NEK7: variants seen among roughly 807,000 people sequenced by gnomAD.
NEK7 encodes NIMA related kinase 7, also known as serine/threonine-protein kinase Nek7.
NEK7 carries 18 observed loss-of-function variants against 44.6 expected under a neutral mutation model. The ratio of observed to expected loss-of-function variants is 0.40; its 90% CI spans 0.28 to 0.60. The LOEUF (loss-of-function observed/expected upper bound fraction) is 0.60, where lower values mean the gene tolerates loss of function less well. Among genes scored for constraint, NEK7 ranks in the 20% least tolerant of loss-of-function variants. The pLI is 0.38. For synonymous variants in NEK7, 130 were observed against 121.1 expected (o/e 1.07, Z -0.48); for missense variants, 256 against 366.5 (o/e 0.70, Z 2.46).
At chr1:198,205,870 A>T (rs912018747) in intron 1 of NEK7, among the ~76,000 whole-genome samples, 2 of 152,122 alleles carry the variant, frequency 1.3e-5, no homozygotes, top group Non-Finnish European at 2.9e-5. Context: ...AATTTTTTTA[A>T]TGTTAGGAAT....
rs371904738 is a variant in NEK7 at position 198,216,628 on chromosome 1, A to G, written c.-28-15925A>G. ...GAACAAACAAACAAGCAGAAGTACA[A>G]AAGATCAGTGAAACAAAAACTGGTT... On this transcript the variant is annotated intron_variant, in intron 1 of 9. Transcript: ENST00000367385. Among the ~76,000 whole-genome samples, 8 of 151,886 alleles carry G rather than the reference A, an allele frequency of 5.3e-5. No homozygotes were observed. The East Asian group carries it at 7.7e-4, about 15-fold the overall frequency.
intron 9 of NEK7, among the ~76,000 whole-genome samples, chr1:198,313,506 C>T (rs1439021298): frequency 7.6e-6 from 1 of 132,012 alleles, no homozygotes; most frequent in Non-Finnish European, 1.6e-5. Context: ...TTATTTTGCT[C>T]GTTAGTTGAT....
At chr1:198,306,811 C>G (rs563807657) in intron 9 of NEK7, among the ~76,000 whole-genome samples, 8 of 152,160 alleles carry the variant, frequency 5.3e-5, no homozygotes, top group African/African-American at 1.7e-4. Flanking sequence ...TAACAAAAGA[C>G]TTTTGCAACT....
chr1:198,240,032 A>T lies in NEK7; in HGVS notation c.57+7395A>T, dbSNP rs572527739. ...AAGTACAGTAAAAATATGGTTTTGT[A>T]ATCTTATGGCCAGACATTCCTATAC... On this transcript the variant is annotated intron_variant, in intron 2 of 9. Transcript: ENST00000367385. Among the ~76,000 whole-genome samples, 28 of 152,320 alleles carry T rather than the reference A, an allele frequency of 1.8e-4. 1 individual carries two copies. In the South Asian group the frequency reaches 5.8e-3, roughly 32 times the overall value.
intron 9 of NEK7, among the ~76,000 whole-genome samples, chr1:198,315,749 A>G (rs1278264412): frequency 6.6e-6 from 1 of 152,174 alleles, no homozygotes; most frequent in African/African-American, 2.4e-5. Context: ...TTTTTGACTT[A>G]AGAAGTTGGA....
chr1:198,285,540 T>A (rs950658007), intron 7 of NEK7, among the ~76,000 whole-genome samples: 5 of 152,126 alleles, frequency 3.3e-5, no homozygotes, highest in African/African-American at 1.2e-4. Flanking sequence ...TATATTCATA[T>A]CAACATACGT....
intron 1 of NEK7, among the ~76,000 whole-genome samples, chr1:198,159,082 C>G (rs1664011984): frequency 6.6e-6 from 1 of 152,156 alleles, no homozygotes; most frequent in Admixed American, 6.5e-5. Context: ...CCCGGAGGAC[C>G]CTCCCGGAGG....
chr1:198,181,809 A>AT (rs969123387), intron 1 of NEK7, among the ~76,000 whole-genome samples: 8 of 152,110 alleles, frequency 5.3e-5, no homozygotes, highest in African/African-American at 9.7e-5. Flanking sequence ...TATGAACCCA[A>AT]TTTAAAATGT....
intron 2 of NEK7, among the ~76,000 whole-genome samples, chr1:198,249,707 G>A (rs946356011): frequency 3.2e-4 from 47 of 148,652 alleles, no homozygotes; most frequent in African/African-American, 1.0e-3. Flanking sequence ...GTCTGTTCAT[G>A]TCCTTCACCC....
chr1:198,285,363 AT>A (rs1654335442), intron 7 of NEK7, among the ~76,000 whole-genome samples: 1 of 152,184 alleles, frequency 6.6e-6, no homozygotes, highest in African/African-American at 2.4e-5. Context: ...TATAGGTTAG[AT>A]TATGCTGCAA....
At chr1:198,176,825 C>T (rs568028498) in intron 1 of NEK7, among the ~76,000 whole-genome samples, 1 of 151,998 alleles carries the variant, frequency 6.6e-6, no homozygotes, top group East Asian at 1.9e-4. Flanking sequence ...TAGGGGGTGA[C>T]TGGATGAAAA....
chr1:198,313,296 A>G (rs919110478), intron 9 of NEK7, among the ~76,000 whole-genome samples: 1 of 151,638 alleles, frequency 6.6e-6, no homozygotes, highest in African/African-American at 2.4e-5. Flanking sequence ...TGCTTGGTAG[A>G]TCTTCCTCCA....
intron 2 of NEK7, among the ~76,000 whole-genome samples, chr1:198,238,196 C>A (rs1023114508): frequency 6.6e-6 from 1 of 152,024 alleles, no homozygotes; most frequent in African/African-American, 2.4e-5. Flanking sequence ...ACACACTTCT[C>A]CCCCCCAGGA....
chr1:198,210,333 C>A (rs957630938), intron 1 of NEK7, among the ~76,000 whole-genome samples: 5 of 152,108 alleles, frequency 3.3e-5, no homozygotes, highest in Non-Finnish European at 5.9e-5. Flanking sequence ...AGTTTTCCTC[C>A]CTTGGGCTCC....
At chr1:198,185,034 T>C (rs570762269) in intron 1 of NEK7, among the ~76,000 whole-genome samples, 35 of 152,108 alleles carry the variant, frequency 2.3e-4, no homozygotes, top group African/African-American at 7.2e-4. Context: ...GGCAAGACAG[T>C]TTTGAAAGGT....
At chr1:198,220,015 G>C (rs556964130) in intron 1 of NEK7, among the ~76,000 whole-genome samples, 11 of 151,944 alleles carry the variant, frequency 7.2e-5, no homozygotes, top group African/African-American at 2.4e-4. Context: ...GCCTGAATCA[G>C]TTATTTCTGT....
chr1:198,269,625 A>G (rs1653774324), intron 5 of NEK7, among the ~76,000 whole-genome samples: 1 of 152,056 alleles, frequency 6.6e-6, no homozygotes, highest in Non-Finnish European at 1.5e-5. Flanking sequence ...TCATTCTCTC[A>G]AGTCTTCAGC....
At chr1:198,214,037 A>C (rs1392768216) in intron 1 of NEK7, among the ~76,000 whole-genome samples, 2 of 152,158 alleles carry the variant, frequency 1.3e-5, no homozygotes, top group African/African-American at 4.8e-5. Context: ...TTGCTACTAC[A>C]ACCACCATCT....
intron 1 of NEK7, among the ~76,000 whole-genome samples, chr1:198,211,595 A>G (rs1367456467): frequency 6.6e-6 from 1 of 152,224 alleles, no homozygotes; most frequent in Non-Finnish European, 1.5e-5. Context: ...ATTTTAGCAT[A>G]AGATTGAAGA....
Sources: allele counts gnomAD v4.1 joint callset (sites outside exome capture counted in the v4.1 genomes callset), GRCh38; gene constraint gnomAD v4.1.1; transcripts MANE v1.5; gene names NCBI Gene and HGNC (gene_info 2026-07-23, HGNC 2026-07-21).